Variants in MAF observed in about 807,000 individuals in gnomAD.
MAF encodes transcription factor Maf.
In MAF, 10 loss-of-function variants were observed where a neutral mutation model predicts 22.0. That is an observed-to-expected ratio of 0.45 (90% confidence interval 0.28 to 0.77). The LOEUF is 0.77. MAF is among the 30% of genes least tolerant of loss of function. MAF has a pLI of 0.12. For missense variants in MAF, 544 were observed against 548.4 expected (o/e 0.99, Z 0.08); for synonymous variants, 337 against 255.8 (o/e 1.32, Z -3.03).
At chr16:79,459,416 T>C in the MAF span, among the ~76,000 whole-genome samples, 2 of 152,346 alleles carry the variant, frequency 1.3e-5, no homozygotes, top group South Asian at 2.1e-4. Flanking sequence ...AGTCGTATTA[T>C]GTACCAAGTA....
chr16:79,445,035 A>AT, the MAF span, among the ~76,000 whole-genome samples: 2 of 151,916 alleles, frequency 1.3e-5, no homozygotes, highest in African/African-American at 2.4e-5. Context: ...TTATTTATTT[A>AT]TTTATTTATT....
chr16:79,467,687 G>A, the MAF span, among the ~76,000 whole-genome samples: 2 of 152,220 alleles, frequency 1.3e-5, no homozygotes, highest in South Asian at 4.2e-4. Context: ...CTCGTGAATC[G>A]GAAACTCTGG....
chr16:79,556,562 T>C, the MAF span, among the ~76,000 whole-genome samples: 1 of 152,194 alleles, frequency 6.6e-6, no homozygotes, highest in African/African-American at 2.4e-5. Flanking sequence ...AATTTGTTGG[T>C]GGTATTTTCT....
At chr16:79,392,183 A>G in the MAF span, among the ~76,000 whole-genome samples, 2 of 147,748 alleles carry the variant, frequency 1.4e-5, no homozygotes, top group African/African-American at 5.0e-5. Flanking sequence ...AAGAAGGAAG[A>G]GAAGAAGGAG....
At chr16:79,522,753 T>A in the MAF span, among the ~76,000 whole-genome samples, 27 of 152,224 alleles carry the variant, frequency 1.8e-4, no homozygotes, top group Non-Finnish European at 4.0e-4. Flanking sequence ...ATGGCTTGCT[T>A]GCTGGGGCTT....
the MAF span, among the ~76,000 whole-genome samples, chr16:79,570,502 C>G: frequency 1.3e-5 from 2 of 152,186 alleles, no homozygotes; most frequent in African/African-American, 2.4e-5. Flanking sequence ...ACAGCCATCT[C>G]TAACTTCTCT....
At chr16:79,495,048 C>A in the MAF span, among the ~76,000 whole-genome samples, 4 of 152,276 alleles carry the variant, frequency 2.6e-5, no homozygotes, top group South Asian at 4.2e-4. Context: ...TGTCACCCCC[C>A]CAGACACCCT....
At chr16:79,500,436 A>G in the MAF span, among the ~76,000 whole-genome samples, 2 of 152,084 alleles carry the variant, frequency 1.3e-5, no homozygotes, top group Non-Finnish European at 2.9e-5. Flanking sequence ...TCTCCACAAG[A>G]CCTCTGTCTG....
chr16:79,211,791 G>C, the MAF span: 1 of 1,614,050 alleles, frequency 6.2e-7, no homozygotes, highest in African/African-American at 1.3e-5. Context: ...CAGCCAGTCC[G>C]GCTAAGTGGA....
At chr16:79,540,981 C>A in the MAF span, among the ~76,000 whole-genome samples, 5 of 151,790 alleles carry the variant, frequency 3.3e-5, no homozygotes, top group African/African-American at 1.2e-4. Flanking sequence ...CTACTATTTA[C>A]TACGGTTACT....
chr16:79,573,760 G>C, the MAF span, among the ~76,000 whole-genome samples: 2 of 152,204 alleles, frequency 1.3e-5, no homozygotes, highest in African/African-American at 4.8e-5. Context: ...AATAGCACTA[G>C]TGCAGACTAC....
At chr16:79,596,386 G>A in intron 1 of MAF, 2 of 1,058,342 alleles carry the variant, frequency 1.9e-6, no homozygotes, top group Non-Finnish European at 2.3e-6. Context: ...TATTCCTCCA[G>A]GAATCCTTCC....
the MAF span, among the ~76,000 whole-genome samples, chr16:79,538,016 C>A: frequency 2.0e-4 from 30 of 152,146 alleles, 1 homozygote; most frequent in Non-Finnish European, 1.5e-5. Flanking sequence ...GAATTTGAGT[C>A]TTTATCTGTC....
the MAF span, among the ~76,000 whole-genome samples, chr16:79,221,749 TTGTG>T: frequency 0.076 from 11,473 of 151,694 alleles, 523 homozygotes; most frequent in Middle Eastern, 0.14. Flanking sequence ...GTATACGTGA[TTGTG>T]TGTGTATGTG....
chr16:79,366,311 A>G, the MAF span, among the ~76,000 whole-genome samples: 2 of 152,226 alleles, frequency 1.3e-5, no homozygotes, highest in African/African-American at 4.8e-5. Flanking sequence ...ACTTAAGTAG[A>G]GGATAGCAGT....
Position 79,594,141 on chromosome 16 carries a change from T to G in MAF, c.*319A>C. Reference sequence around the variant, plus strand: ...CTAATTGTTGCATTCCGGGAAACTTTCCATTATATATATGCATATATATGT... The same window carrying G: ...CTAATTGTTGCATTCCGGGAAACTTGCCATTATATATATGCATATATATGT... On this transcript the variant is annotated 3_prime_UTR_variant, in exon 2 of 2. Coordinates refer to ENST00000326043, the MANE Select transcript of MAF (RefSeq NM_005360.5). The G allele has an allele frequency of 3.1e-6, 1 of 323,742 alleles. No homozygotes were observed. Among genetic ancestry groups the G allele is most frequent in the East Asian group, 4.6e-5 (1 of 21,886 alleles). The allele number at this position is 323,742 out of a possible 1,614,324, so 20.1% of individuals were successfully genotyped here.
chr16:79,545,310 G>A, the MAF span, among the ~76,000 whole-genome samples: 1 of 152,266 alleles, frequency 6.6e-6, no homozygotes, highest in Non-Finnish European at 1.5e-5. Context: ...CTGAGTGAAA[G>A]GTGGGGAATG....
At chr16:79,357,901 C>G in the MAF span, among the ~76,000 whole-genome samples, 2 of 152,224 alleles carry the variant, frequency 1.3e-5, no homozygotes, top group African/African-American at 4.8e-5. Flanking sequence ...AGGTGGCCAG[C>G]ATCTCAGGGG....
chr16:79,576,686 G>A, the MAF span, among the ~76,000 whole-genome samples: 2 of 152,052 alleles, frequency 1.3e-5, no homozygotes, highest in Non-Finnish European at 2.9e-5. Flanking sequence ...ACAAACCAAG[G>A]CTTGCAAGGT....
Sources: gnomAD v4.1 joint callset for allele counts (sites outside exome capture counted in the v4.1 genomes callset) on GRCh38, gnomAD v4.1.1 for gene constraint, MANE v1.5 for transcripts, NCBI Gene and HGNC (gene_info 2026-07-23, HGNC 2026-07-21) for gene names.